Variants in FOCAD observed in about 807,000 individuals in gnomAD.
FOCAD encodes KIAA1797.
A neutral mutation model predicts 225.6 loss-of-function variants in FOCAD; 198 were observed. The ratio of observed to expected loss-of-function variants is 0.88; its 90% CI spans 0.78 to 0.99. The LOEUF is 0.99. Among genes scored for constraint, FOCAD ranks in the 50% least tolerant of loss-of-function variants. The pLI is 0.00. For missense variants in FOCAD, 2,713 were observed against 2,123.6 expected (o/e 1.28, Z -5.46); for synonymous variants, 897 against 755.0 (o/e 1.19, Z -3.08).
intron 43 of FOCAD, among the ~76,000 whole-genome samples, chr9:20,994,238 A>G (rs1055850288): frequency 1.3e-5 from 2 of 152,260 alleles, no homozygotes; most frequent in Non-Finnish European, 2.9e-5. Flanking sequence ...GACTTTGTTA[A>G]CTATGACTGT....
Position 20,929,532 on chromosome 9 carries a change from G to A in FOCAD, c.3253G>A (p.Val1085Met), listed in dbSNP as rs143564901. 640 of 1,614,158 alleles carry A rather than the reference G, an allele frequency of 4.0e-4. 4 individuals are homozygous for A. The highest frequency in any genetic ancestry group is 3.3e-3 in the South Asian group (300 of 91,076). The stretch of plus-strand genomic sequence containing the variant: ...ACCAAGTGCTGATGAGTCTCAAGCC[G>A]TGCAAATCCACATGGGCCTTGCTTT... ...GKPSADESQA[V>M]QIHMGLALGM... The change falls in exon 27 of 44, where the codon GTG (valine) becomes ATG (methionine). Residue 1085 changes from valine to methionine, a missense_variant. Physicochemically the swap from Val to Met is conservative, Grantham distance 21 (BLOSUM62 1). Transcript: ENST00000338382.
Position 20,820,954 on chromosome 9 carries a change from C to T in FOCAD, c.1676C>T (p.Pro559Leu), listed in dbSNP as rs1224094326. The change falls in exon 14 of 44, where the codon CCT (proline) becomes CTT (leucine). Residue 559 changes from proline (P) to leucine (L), a missense_variant. Physicochemically the swap from Pro to Leu is moderately conservative, Grantham distance 98 (BLOSUM62 -3). Coordinates refer to ENST00000338382, the MANE Select transcript of FOCAD (RefSeq NM_001375567.1). Reference sequence around the variant, plus strand: ...TTGCCTTCGTAGGACCGAGTCTATCCTGAACTGCAGCGTTTCATGGCTGTG... The same window carrying T: ...TTGCCTTCGTAGGACCGAGTCTATCTTGAACTGCAGCGTTTCATGGCTGTG... ...SLWEKQDRVYPELQRFMAVSD... is the reference protein window; with the variant it reads ...SLWEKQDRVYLELQRFMAVSD... 1.2e-6 allele frequency: 2 copies of T among 1,612,290 alleles called. No individual in the cohort carries two copies. The highest frequency in any genetic ancestry group is 2.7e-5 in the African/African-American group (2 of 74,896).
intron 35 of FOCAD, among the ~76,000 whole-genome samples, chr9:20,966,385 C>A (rs1387089603): frequency 6.6e-6 from 1 of 151,754 alleles, no homozygotes; most frequent in Non-Finnish European, 1.5e-5. Flanking sequence ...AATAAATTGC[C>A]TGTTGTTGAG....
intron 16 of FOCAD, among the ~76,000 whole-genome samples, chr9:20,864,837 C>T (rs1196188848): frequency 6.6e-6 from 1 of 152,044 alleles, no homozygotes; most frequent in East Asian, 1.9e-4. Context: ...ATTCAATCCC[C>T]ATCACTCTTA....
Position 20,809,480 on chromosome 9 carries a change from G to A in FOCAD, c.1456-10316G>A, listed in dbSNP as rs146258399. Reference sequence around the variant, plus strand: ...TCAATTGATCAATCAAATTAAAATAGCCAAATGTGGCTAGTGGCTACTGTA... The same window carrying A: ...TCAATTGATCAATCAAATTAAAATAACCAAATGTGGCTAGTGGCTACTGTA... On this transcript the variant is annotated intron_variant, in intron 11 of 43. Coordinates refer to ENST00000338382, the MANE Select transcript of FOCAD (RefSeq NM_001375567.1). Among the ~76,000 whole-genome samples the A allele has an allele frequency of 3.2e-3, 481 of 152,100 alleles. 3 individuals carry two copies. The highest frequency in any genetic ancestry group is 0.011 in the African/African-American group (467 of 41,500).
At chr9:20,817,119 C>T (rs1479135473) in intron 11 of FOCAD, among the ~76,000 whole-genome samples, 2 of 152,014 alleles carry the variant, frequency 1.3e-5, no homozygotes, top group African/African-American at 2.4e-5. Flanking sequence ...AATTTTTTGG[C>T]ATTACAGTTT....
intron 2 of FOCAD, among the ~76,000 whole-genome samples, chr9:20,660,224 A>T (rs921250316): frequency 1.3e-5 from 2 of 152,204 alleles, no homozygotes; most frequent in East Asian, 3.8e-4. Flanking sequence ...TATGGTTAAC[A>T]CTTAACCTAG....
At chr9:20,666,567 CAAAA>C (rs1413223214) in intron 2 of FOCAD, among the ~76,000 whole-genome samples, 2 of 152,016 alleles carry the variant, frequency 1.3e-5, no homozygotes, top group Non-Finnish European at 2.9e-5. Context: ...GACCCTATCT[CAAAA>C]CAAACAAACA....
intron 35 of FOCAD, among the ~76,000 whole-genome samples, chr9:20,970,755 C>G (rs1839695629): frequency 1.3e-5 from 2 of 151,932 alleles, no homozygotes; most frequent in Admixed American, 6.6e-5. Context: ...ATTTTATGCT[C>G]CATATTTTTT....
rs80233379 is a variant in FOCAD, at chr9:20,758,232, G to A, written c.494+41G>A. 8.6e-4 allele frequency: 1,221 copies of A among 1,417,030 alleles called. 10 individuals carry two copies. The African/African-American group carries it at 0.015, about 18-fold the overall frequency. The allele number at this position is 1,417,030 out of a possible 1,614,324, so 87.8% of individuals were successfully genotyped here. On this transcript the variant is annotated intron_variant, in intron 6 of 43. Coordinates refer to ENST00000338382, the MANE Select transcript of FOCAD (RefSeq NM_001375567.1). ...AGTGTAAAATAAAGTGAGGGAGACAGAATGGTATATGCTAATTTTAGAGCT... is the reference window on the plus strand; with the variant it reads ...AGTGTAAAATAAAGTGAGGGAGACAAAATGGTATATGCTAATTTTAGAGCT...
intron 25 of FOCAD, 36 bp downstream of exon 25, chr9:20,923,804 A>G (rs759055248): frequency 9.9e-6 from 15 of 1,522,786 alleles, no homozygotes; most frequent in Non-Finnish European, 1.4e-5. Flanking sequence ...GGCTTTGATT[A>G]TGTCTTTTTA....
intron 28 of FOCAD, among the ~76,000 whole-genome samples, chr9:20,933,878 T>C (rs903017339): frequency 2.7e-5 from 4 of 149,452 alleles, no homozygotes; most frequent in African/African-American, 9.8e-5. Context: ...CCAACATCTA[T>C]TTTTTTTTTA....
chr9:20,814,771 C>G (rs1156977828), intron 11 of FOCAD, among the ~76,000 whole-genome samples: 2 of 152,144 alleles, frequency 1.3e-5, no homozygotes, highest in African/African-American at 4.8e-5. Flanking sequence ...ACTTCAATCA[C>G]ATACATAAAC....
At chr9:20,773,648 T>C (rs1314861496) in intron 8 of FOCAD, among the ~76,000 whole-genome samples, 3 of 152,188 alleles carry the variant, frequency 2.0e-5, no homozygotes. Context: ...CATTTCTTTA[T>C]AGTTTTGTCA....
intron 15 of FOCAD, 104 bp from the exon 16 acceptor site, chr9:20,862,474 T>C: frequency 7.7e-7 from 1 of 1,304,272 alleles, no homozygotes; most frequent in Non-Finnish European, 1.0e-6. Context: ...CATAGTCTTA[T>C]TTGTTTCTTA....
chr9:20,754,625 C>T (rs1828877944), intron 5 of FOCAD, among the ~76,000 whole-genome samples: 1 of 151,766 alleles, frequency 6.6e-6, no homozygotes, highest in Non-Finnish European at 1.5e-5. Flanking sequence ...TTGTCATTTA[C>T]TCAATGGAGT....
At chr9:20,785,846 G>A (rs1237982953) in intron 10 of FOCAD, among the ~76,000 whole-genome samples, 1 of 152,080 alleles carries the variant, frequency 6.6e-6, no homozygotes, top group African/African-American at 2.4e-5. Flanking sequence ...TTTTCCAAAG[G>A]GGCTGCACTA....
At chr9:20,950,879 C>T in intron 33 of FOCAD, 117 bp from the exon 34 acceptor site, 3 of 782,226 alleles carry the variant, frequency 3.8e-6, no homozygotes, top group Non-Finnish European at 6.7e-6. Context: ...CATAGGACTG[C>T]TCGTTGCCAG....
rs756821211 is a variant in FOCAD at position 20,781,759 on chromosome 9, A to G, written c.1027A>G (p.Lys343Glu). 1.2e-6 allele frequency: 2 copies of G among 1,613,988 alleles called. No individual in the cohort carries two copies. The highest frequency in any genetic ancestry group is 1.7e-6 in the Non-Finnish European group (2 of 1,179,980). The stretch of plus-strand genomic sequence containing the variant: ...GCTCCTCTCTGTTACTGAGGATCAG[A>G]AAATCCCAAAGTCCTCTCTGCTGCT... ...LKLLSVTEDQ[K>E]IPKSSLLLVM... Residue 343 changes from lysine (K) to glutamate (E), a missense_variant, in exon 10 of 44, where the codon AAA (lysine) becomes GAA (glutamate). Coordinates refer to ENST00000338382, the MANE Select transcript of FOCAD (RefSeq NM_001375567.1).
Sources: gnomAD v4.1 joint callset for allele counts (sites outside exome capture counted in the v4.1 genomes callset) on GRCh38, gnomAD v4.1.1 for gene constraint, MANE v1.5 for transcripts, NCBI Gene and HGNC (gene_info 2026-07-23, HGNC 2026-07-21) for gene names.